Variants in PKP1 observed in about 807,000 individuals in gnomAD.
The protein encoded by PKP1 is plakophilin 1, also known as plakophilin-1.
PKP1 carries 27 observed loss-of-function variants against 76.4 expected under a neutral mutation model. The observed-to-expected ratio is 0.35, with a 90% CI of 0.26 to 0.49. The LOEUF (loss-of-function observed/expected upper bound fraction) is 0.49, where lower values mean the gene tolerates loss of function less well. PKP1 is among the 20% of genes least tolerant of loss of function. The pLI is 0.99. For synonymous variants in PKP1, 404 were observed against 384.2 expected (o/e 1.05, Z -0.60); for missense variants, 964 against 955.2 (o/e 1.01, Z -0.12).
intron 3 of PKP1, among the ~76,000 whole-genome samples, chr1:201,315,301 C>T (rs188656001): frequency 2.0e-5 from 3 of 152,336 alleles, no homozygotes; most frequent in East Asian, 3.9e-4. Context: ...GTACTACTTA[C>T]CCAGTGCCAG....
rs1296921686 is a variant in PKP1, at chr1:201,324,921, C to T, written c.1835-20C>T. ...TCCCCAGTCATCCTGACCCTGTGCC[C>T]CAACTCGTTCCTCTCCCAGGGAACC... On this transcript the variant is annotated intron_variant, in intron 10 of 13. Coordinates refer to ENST00000367324, the MANE Select transcript of PKP1 (RefSeq NM_001005337.3). 1.9e-6 allele frequency: 3 copies of T among 1,611,306 alleles called. No homozygotes were observed. Among genetic ancestry groups the T allele is most frequent in the Admixed American group, 1.7e-5 (1 of 59,956 alleles).
Position 201,317,000 on chromosome 1 carries a change from C to A in PKP1, c.846+303C>A, listed in dbSNP as rs1432221055. Among the ~76,000 whole-genome samples the A allele has an allele frequency of 2.6e-5, 4 of 152,196 alleles. No homozygotes were observed. In the East Asian group the frequency reaches 7.7e-4, roughly 29 times the overall value. ...TCTCAAATCCCACTAAAGAACATGA[C>A]TGCTCCTCACCTCTCAACTCCTGCC... On this transcript the variant is annotated intron_variant, in intron 4 of 13. Coordinates refer to ENST00000367324, the MANE Select transcript of PKP1 (RefSeq NM_001005337.3).
Position 201,322,107 on chromosome 1 carries a change from T to C in PKP1, c.1477T>C (p.Phe493Leu). 1.2e-6 allele frequency: 2 copies of C among 1,612,154 alleles called. No individual in the cohort carries two copies. Among genetic ancestry groups the C allele is most frequent in the South Asian group, 1.1e-5 (1 of 91,046 alleles). ...AYTEKSSTGC[F>L]SNKSDKMMNN... ...CACCGAGAAGTCCTCCACTGGCTGCTTCAGCAACAAGAGCGACAAGATGAT... is the reference window on the plus strand; with the variant it reads ...CACCGAGAAGTCCTCCACTGGCTGCCTCAGCAACAAGAGCGACAAGATGAT... The change falls in exon 8 of 14, where the codon TTC becomes CTC. Residue 493 changes from phenylalanine to leucine, a missense_variant. Phe to Leu is a conservative substitution (Grantham distance 22). Transcript: ENST00000367324.
intron 1 of PKP1, among the ~76,000 whole-genome samples, chr1:201,292,830 T>A (rs1015359794): frequency 6.6e-6 from 1 of 152,102 alleles, no homozygotes; most frequent in Non-Finnish European, 1.5e-5. Context: ...TTAACAAGAG[T>A]GTGGGCCAGG....
chr1:201,283,599 C>A lies in PKP1; in HGVS notation c.-104C>A, dbSNP rs999437403. 9.8e-7 allele frequency: 1 copy of A among 1,020,568 alleles called. No homozygotes were observed. The highest frequency in any genetic ancestry group is 1.4e-5 in the South Asian group (1 of 73,356). 63.2% of individuals were successfully genotyped at this position (1,020,568 alleles called of 1,614,324 possible). On this transcript the variant is annotated 5_prime_UTR_variant, in exon 1 of 14. It adds an upstream start codon to the 5' untranslated region. Coordinates refer to ENST00000367324, the MANE Select transcript of PKP1 (RefSeq NM_001005337.3). ...CGCACTCTATGGCCGTAGGGAGCCGCTGAGAGCGAGAAGAGCACGCTCCTG... is the reference window on the plus strand; with the variant it reads ...CGCACTCTATGGCCGTAGGGAGCCGATGAGAGCGAGAAGAGCACGCTCCTG...
Position 201,283,669 on chromosome 1 carries a change from G to A in PKP1, c.-34G>A, listed in dbSNP as rs754170520. ...CTCGCCTCGCCTCTCTGCTCTCCTA[G>A]GCCCCGGCCGCGCGCCACCCGCCTC... is the stretch of plus-strand genomic sequence containing the variant. On this transcript the variant is annotated 5_prime_UTR_variant, in exon 1 of 14. Transcript: ENST00000367324. The A allele has an allele frequency of 6.3e-6, 10 of 1,595,756 alleles. No individual in the cohort carries two copies. The highest frequency in any genetic ancestry group is 2.3e-5 in the East Asian group (1 of 43,892).
chr1:201,319,939 A>C, intron 6 of PKP1: 1 of 1,539,944 alleles, frequency 6.5e-7, no homozygotes, highest in Non-Finnish European at 9.0e-7. Context: ...GCCAGTTATA[A>C]AGTTACTGGG....
intron 2 of PKP1, among the ~76,000 whole-genome samples, chr1:201,300,405 T>TG (rs2102160789): frequency 6.6e-6 from 1 of 152,370 alleles, no homozygotes; most frequent in South Asian, 2.1e-4. Context: ...AAGAAGCTTC[T>TG]GTTGCCCTTA....
intron 6 of PKP1, among the ~76,000 whole-genome samples, chr1:201,319,099 A>G (rs1295413011): frequency 7.9e-6 from 1 of 127,096 alleles, no homozygotes; most frequent in African/African-American, 2.7e-5. Context: ...CCACCCCATG[A>G]AAAAAAATGC....
In PKP1 at chr1:201,326,243, C is replaced by T. The variant is rs1558197064; in HGVS notation, c.2106+405C>T. On this transcript the variant is annotated intron_variant, in intron 12 of 13. Coordinates refer to ENST00000367324, the MANE Select transcript of PKP1 (RefSeq NM_001005337.3). ...CAAACTGAAGAGCTTGGACTTGTACCTTTGGCACTGGGGAACCATTCAAAG... is the reference window on the plus strand; with the variant it reads ...CAAACTGAAGAGCTTGGACTTGTACTTTTGGCACTGGGGAACCATTCAAAG... Among the ~76,000 whole-genome samples, 3 of 152,216 alleles carry T rather than the reference C, an allele frequency of 2.0e-5. No individual in the cohort carries two copies. The South Asian group carries it at 6.2e-4, about 32-fold the overall frequency.
chr1:201,315,220 G>A (rs1656689022), intron 3 of PKP1, among the ~76,000 whole-genome samples: 1 of 152,230 alleles, frequency 6.6e-6, no homozygotes, highest in South Asian at 2.1e-4. Context: ...TGGAAGGGAT[G>A]AGTGTCAAGC....
chr1:201,283,681 G>GCGCCACCCGCCTCC lies in PKP1; in HGVS notation c.-14_-1dup, dbSNP rs1553272638. 68 of 1,608,424 alleles carry GCGCCACCCGCCTCC rather than the reference G, an allele frequency of 4.2e-5. No homozygotes were observed. Among genetic ancestry groups the GCGCCACCCGCCTCC allele is most frequent in the Non-Finnish European group, 5.2e-5 (61 of 1,176,978 alleles). On this transcript the variant is annotated 5_prime_UTR_variant, in exon 1 of 14. Transcript: ENST00000367324. ...CTCTGCTCTCCTAGGCCCCGGCCGC[G>GCGCCACCCGCCTCC]CGCCACCCGCCTCCCGCCACCATGA... is the stretch of plus-strand genomic sequence containing the variant.
intron 2 of PKP1, among the ~76,000 whole-genome samples, chr1:201,311,073 C>T (rs969692120): frequency 2.6e-5 from 4 of 152,190 alleles, no homozygotes; most frequent in African/African-American, 7.2e-5. Context: ...CCAGGCGTGT[C>T]GTTTATGGAG....
At chr1:201,291,071 C>A (rs941541312) in intron 1 of PKP1, among the ~76,000 whole-genome samples, 1 of 152,140 alleles carries the variant, frequency 6.6e-6, no homozygotes, top group Non-Finnish European at 1.5e-5. Flanking sequence ...AGCACACCTG[C>A]CCCCAGTACT....
intron 13 of PKP1, among the ~76,000 whole-genome samples, chr1:201,329,691 G>A (rs1336270273): frequency 1.3e-5 from 2 of 152,136 alleles, no homozygotes; most frequent in Non-Finnish European, 2.9e-5. Context: ...CCCAATCCCT[G>A]GTGGGGAGAG....
rs1429275552 is a variant in PKP1, at chr1:201,316,665, A to G, written c.814A>G (p.Thr272Ala). 1.2e-6 allele frequency: 2 copies of G among 1,613,830 alleles called. No individual in the cohort carries two copies. Among genetic ancestry groups the G allele is most frequent in the Admixed American group, 3.3e-5 (2 of 60,002 alleles). ...CATTGGGGCCTATTACATCCAGCATACCTGCTTCCAGGATGAATCTGCCAA... is the reference window on the plus strand; with the variant it reads ...CATTGGGGCCTATTACATCCAGCATGCCTGCTTCCAGGATGAATCTGCCAA... Reference protein sequence around the residue: ...QAIGAYYIQHTCFQDESAKQQ... With the variant: ...QAIGAYYIQHACFQDESAKQQ... Residue 272 changes from threonine (T) to alanine (A), a missense_variant, in exon 4 of 14, where the codon ACC becomes GCC. By Grantham distance (58) the Thr-to-Ala change is moderately conservative (BLOSUM62 0). Coordinates refer to ENST00000367324, the MANE Select transcript of PKP1 (RefSeq NM_001005337.3).
In PKP1 at chr1:201,325,097, TCAA is replaced by T. The variant is rs1657075413; in HGVS notation, c.1997_1999del (p.Asn666del). The T allele has an allele frequency of 6.2e-7, 1 of 1,613,900 alleles. No homozygotes were observed. Among genetic ancestry groups the T allele is most frequent in the Non-Finnish European group, 8.5e-7 (1 of 1,180,016 alleles). ...AAGCAGTACTTCTCCAGCAGCATGC[TCAA>T]CAACATCATCAACCTGTGCCGAAGC... On this transcript the variant is annotated inframe_deletion, in exon 11 of 14. Transcript: ENST00000367324.
Position 201,322,908 on chromosome 1 carries a change from T to C in PKP1, c.1504-105T>C, listed in dbSNP as rs1779289. 255,969 of 1,255,050 alleles carry C rather than the reference T, an allele frequency of 0.2. 27,212 individuals are homozygous for C. The highest frequency in any genetic ancestry group is 0.24 in the East Asian group (10,146 of 43,068). The allele number at this position is 1,255,050 out of a possible 1,614,324, so 77.7% of individuals were successfully genotyped here. On this transcript the variant is annotated intron_variant, in intron 8 of 13. Coordinates refer to ENST00000367324, the MANE Select transcript of PKP1 (RefSeq NM_001005337.3). The stretch of plus-strand genomic sequence containing the variant: ...GCAGGCGCTTCCTCAGCTTGCCCTA[T>C]CTGGAACCACGACCCTGAGGCTGGG...
intron 1 of PKP1, among the ~76,000 whole-genome samples, chr1:201,288,505 AG>A (rs1655804866): frequency 6.6e-6 from 1 of 152,194 alleles, no homozygotes; most frequent in Non-Finnish European, 1.5e-5. Flanking sequence ...TCAGGACTTC[AG>A]AAACTCCCAG....
Sources: gnomAD v4.1 joint callset for allele counts (sites outside exome capture counted in the v4.1 genomes callset) on GRCh38, gnomAD v4.1.1 for gene constraint, MANE v1.5 for transcripts, NCBI Gene and HGNC (gene_info 2026-07-23, HGNC 2026-07-21) for gene names.